Variants in IL9R observed in about 807,000 individuals in gnomAD.
IL9R encodes interleukin-9 receptor.
A neutral mutation model predicts 56.3 loss-of-function variants in IL9R; 54 were observed. The observed-to-expected ratio is 0.96, with a 90% confidence interval of 0.77 to 1.20. The LOEUF is 1.20. Among genes scored for constraint, IL9R ranks in the 50% most tolerant of loss-of-function variants. The pLI, the probability that IL9R is intolerant of heterozygous loss-of-function variation, is 0.00. For synonymous variants in IL9R, 212 were observed against 250.2 expected (o/e 0.85, Z 1.44); for missense variants, 545 against 629.8 (o/e 0.87, Z 1.44).
chrX:155,997,736 G>C lies in IL9R; in HGVS notation c.-24G>C. The C allele has an allele frequency of 6.2e-7, 1 of 1,613,374 alleles. No homozygotes were observed. Among genetic ancestry groups the C allele is most frequent in the South Asian group, 1.1e-5 (1 of 91,052 alleles). Reference sequence around the variant, plus strand: ...ATAGTTGGGTGACAAATCACCTCCAGGTTGGGGATGCCTCAGACTTGTGAT... The same window carrying C: ...ATAGTTGGGTGACAAATCACCTCCACGTTGGGGATGCCTCAGACTTGTGAT... On this transcript the variant is annotated 5_prime_UTR_variant, in exon 1 of 9. Transcript: ENST00000244174.
At chrX:156,004,676 G>A in intron 5 of IL9R, 111 bp downstream of exon 5, 2 of 1,094,254 alleles carry the variant, frequency 1.8e-6, no homozygotes, top group South Asian at 2.8e-5. Context: ...GAGAAGGGAG[G>A]AACTAGAGCG....
rs1158754488 is a variant in IL9R, at chrX:156,004,680, T to C, written c.579+115T>C. ...CTTGTAGTGATGAGAAGGGAGGAAC[T>C]AGAGCGGGGTGTGTGTGCACACACA... is the stretch of plus-strand genomic sequence containing the variant. On this transcript the variant is annotated intron_variant, in intron 5 of 8. Transcript: ENST00000244174. 6.7e-6 allele frequency: 7 copies of C among 1,046,358 alleles called. No homozygotes were observed. In the African/African-American group the frequency reaches 9.4e-5, roughly 14 times the overall value. 64.8% of individuals were successfully genotyped at this position (1,046,358 alleles called of 1,614,324 possible). A position where few individuals can be genotyped will look rare whatever the true frequency, so the allele number is the denominator to read the frequency against.
chrX:156,002,837 G>T, intron 1 of IL9R, 69 bp from the exon 2 acceptor site: 1 of 1,610,616 alleles, frequency 6.2e-7, no homozygotes, highest in Non-Finnish European at 8.5e-7. Flanking sequence ...CTGCTGGGGA[G>T]CAATTCATGG....
intron 1 of IL9R, among the ~76,000 whole-genome samples, chrX:155,999,803 A>T (rs2067388826): frequency 6.6e-6 from 1 of 152,108 alleles, no homozygotes; most frequent in Admixed American, 6.5e-5. Context: ...GGTCCAGAAG[A>T]ACCAGACCCT....
intron 8 of IL9R, among the ~76,000 whole-genome samples, chrX:156,008,975 CTG>C (rs1169853048): frequency 0.11 from 11,323 of 103,130 alleles, 100 homozygotes; most frequent in South Asian, 0.21. Flanking sequence ...GTGTGTGTGT[CTG>C]TGTGTGTTTA....
At chrX:156,002,245 G>A (rs1458629600) in intron 1 of IL9R, among the ~76,000 whole-genome samples, 2 of 152,116 alleles carry the variant, frequency 1.3e-5, no homozygotes, top group African/African-American at 2.4e-5. Flanking sequence ...AGCTACTCGG[G>A]AGGCTGAGGC....
chrX:156,002,898 C>G lies in IL9R; in HGVS notation c.29-8C>G, dbSNP rs1389550299. Reference sequence around the variant, plus strand: ...TTTGCACAGGGCCCTCAGCCCAGTCCCTTGCAGGCTGGACCTTGGAGAGTG... The same window carrying G: ...TTTGCACAGGGCCCTCAGCCCAGTCGCTTGCAGGCTGGACCTTGGAGAGTG... On this transcript the variant is annotated splice_region_variant and splice_polypyrimidine_tract_variant and intron_variant, in intron 1 of 8. Coordinates refer to ENST00000244174, the MANE Select transcript of IL9R (RefSeq NM_002186.3). 6.2e-7 allele frequency: 1 copy of G among 1,613,648 alleles called. No individual in the cohort carries two copies. Among genetic ancestry groups the G allele is most frequent in the African/African-American group, 1.3e-5 (1 of 74,898 alleles).
At chrX:155,998,167 G>T (rs1399584482) in intron 1 of IL9R, among the ~76,000 whole-genome samples, 1 of 152,010 alleles carries the variant, frequency 6.6e-6, no homozygotes, top group East Asian at 1.9e-4. Context: ...CAGTTGTGAT[G>T]GCCATGGGGT....
intron 4 of IL9R, 176 bp from the exon 5 acceptor site, chrX:156,004,244 C>G: frequency 3.2e-6 from 2 of 634,152 alleles, no homozygotes; most frequent in Non-Finnish European, 5.6e-6. Flanking sequence ...CAGAGGAAGT[C>G]ATTGCTGTCC....
rs188226752 is a variant in IL9R, at chrX:156,005,527, C to T, written c.781+48C>T. On this transcript the variant is annotated intron_variant, in intron 6 of 8. Transcript: ENST00000244174. Reference sequence around the variant, plus strand: ...CACTTCCAGCGGAGTCTGGGCTGGGCGTCTTCTCCCCTGTTCACCTCAGCC... The same window carrying T: ...CACTTCCAGCGGAGTCTGGGCTGGGTGTCTTCTCCCCTGTTCACCTCAGCC... 1.8e-4 allele frequency: 266 copies of T among 1,504,048 alleles called. No homozygotes were observed. In the African/African-American group the frequency reaches 2.8e-3, roughly 16 times the overall value. The allele number at this position is 1,504,048 out of a possible 1,614,324, so 93.2% of individuals were successfully genotyped here.
intron 1 of IL9R, among the ~76,000 whole-genome samples, chrX:155,999,684 T>C (rs1170048092): frequency 3.3e-5 from 5 of 152,160 alleles, no homozygotes; most frequent in Non-Finnish European, 7.3e-5. Flanking sequence ...TCCAGCTGCT[T>C]CTGGGGTACC....
Position 156,007,539 on chromosome X carries a change from T to C in IL9R, c.904T>C (p.Tyr302His). ...TGGCCTCAGGGTGAAGAGAATCTTCTACCAGAACGTGCCCTCTCCAGCGAT... is the reference window on the plus strand; with the variant it reads ...TGGCCTCAGGGTGAAGAGAATCTTCCACCAGAACGTGCCCTCTCCAGCGAT... ...KLSPRVKRIF[Y>H]QNVPSPAMFF... Residue 302 changes from tyrosine (Y) to histidine (H), a missense_variant, in exon 8 of 9, where the codon TAC (tyrosine) becomes CAC (histidine). Transcript: ENST00000244174. 2.3e-6 allele frequency: 3 copies of C among 1,305,476 alleles called. No individual in the cohort carries two copies. Among genetic ancestry groups the C allele is most frequent in the Non-Finnish European group, 3.2e-6 (3 of 931,698 alleles). 80.9% of individuals were successfully genotyped at this position (1,305,476 alleles called of 1,614,324 possible).
chrX:156,003,871 AG>A lies in IL9R; in HGVS notation c.433+18del, dbSNP rs1424088345. 13 of 1,613,422 alleles carry A rather than the reference AG, an allele frequency of 8.1e-6. No homozygotes were observed. Among genetic ancestry groups the A allele is most frequent in the Non-Finnish European group, 1.0e-5 (12 of 1,179,698 alleles). ...CGGAGACACGGTGAGCAGCAGCTAT[AG>A]GTCTGGGGCGGGGCCGCTTGGCAAG... On this transcript the variant is annotated intron_variant, in intron 4 of 8. Coordinates refer to ENST00000244174, the MANE Select transcript of IL9R (RefSeq NM_002186.3).
chrX:156,001,515 C>CT, intron 1 of IL9R: 1 of 1,578,630 alleles, frequency 6.3e-7, no homozygotes, highest in Non-Finnish European at 8.7e-7. Flanking sequence ...AAGGGTGAGG[C>CT]TTCCTGATCA....
intron 8 of IL9R, 50 bp from the exon 9 acceptor site, chrX:156,009,766 G>C: frequency 5.1e-6 from 5 of 974,170 alleles, no homozygotes; most frequent in Admixed American, 2.3e-5. Context: ...CCCAGGATGA[G>C]TTCTGAACAT....
rs140130676 is a variant in IL9R at position 156,005,371 on chromosome X, C to T, written c.673C>T (p.Arg225Cys). Reference protein sequence around the residue: ...DPGFIHEARLRVQMATLEDDV... With the variant: ...DPGFIHEARLCVQMATLEDDV... ...TGGCTTTATCCATGAGGCCAGGCTG[C>T]GTGTCCAGATGGCCACACTGGAGGA... The change falls in exon 6 of 9, where the codon CGT (arginine) becomes TGT (cysteine). Residue 225 changes from arginine (R) to cysteine (C), a missense_variant. Physicochemically the swap from Arg to Cys is radical, Grantham distance 180. Coordinates refer to ENST00000244174, the MANE Select transcript of IL9R (RefSeq NM_002186.3). The T allele has an allele frequency of 1.1e-4, 184 of 1,612,752 alleles. No homozygotes were observed. In the African/African-American group the frequency reaches 1.7e-3, roughly 15 times the overall value.
intron 1 of IL9R, among the ~76,000 whole-genome samples, chrX:156,002,347 CA>C (rs764393662): frequency 0.023 from 3,417 of 148,050 alleles, 49 homozygotes; most frequent in Middle Eastern, 0.045. Context: ...GAGACTGTCT[CA>C]AAAAAAAAAA....
chrX:156,003,167 G>C, intron 2 of IL9R, 148 bp downstream of exon 2: 2 of 916,288 alleles, frequency 2.2e-6, no homozygotes, highest in East Asian at 5.2e-5. Flanking sequence ...CTGGACCTCA[G>C]TCTCTAGTCT....
rs1212863882 is a variant in IL9R, at chrX:156,002,927, C to A, written c.50C>A (p.Ala17Asp). 17 of 1,613,764 alleles carry A rather than the reference C, an allele frequency of 1.1e-5. No homozygotes were observed. The highest frequency in any genetic ancestry group is 1.4e-5 in the Non-Finnish European group (16 of 1,179,858). ...GCAGGCTGGACCTTGGAGAGTGAGG[C>A]CCTGAGGCGAGACATGGGCACCTGG... ...IWEGWTLESE[A>D]LRRDMGTWLL... is the part of the protein sequence containing the mutation. Residue 17 changes from alanine to aspartate, a missense_variant, in exon 2 of 9, where the codon GCC becomes GAC. Physicochemically the swap from Ala to Asp is moderately radical, Grantham distance 126. Coordinates refer to ENST00000244174, the MANE Select transcript of IL9R (RefSeq NM_002186.3).
Sources: gnomAD v4.1 joint callset for allele counts (sites outside exome capture counted in the v4.1 genomes callset) on GRCh38, gnomAD v4.1.1 for gene constraint, MANE v1.5 for transcripts, NCBI Gene and HGNC (gene_info 2026-07-23, HGNC 2026-07-21) for gene names.